Variants in INTS6L observed in about 807,000 individuals in gnomAD.
The protein encoded by INTS6L is integrator complex subunit 6-like.
A neutral mutation model predicts 64.7 loss-of-function variants in INTS6L; 18 were observed. That is an observed-to-expected ratio of 0.28 (90% confidence interval 0.19 to 0.41). The LOEUF (loss-of-function observed/expected upper bound fraction) is 0.41. Ranked by LOEUF, INTS6L falls within the 10% of genes least tolerant of loss-of-function variation. INTS6L has a pLI of 1.00. For missense variants in INTS6L, 533 were observed against 661.0 expected (o/e 0.81, Z 2.12); for synonymous variants, 227 against 235.9 (o/e 0.96, Z 0.34).
chrX:135,540,552 C>T (rs1556512038), intron 2 of INTS6L, among the ~76,000 whole-genome samples: 1 of 111,146 alleles, frequency 9.0e-6, no homozygotes, highest in Non-Finnish European at 1.9e-5. Context: ...ATTCTTTAGG[C>T]CTCTTGTAAT....
intron 9 of INTS6L, among the ~76,000 whole-genome samples, chrX:135,567,488 T>C (rs1157234460): frequency 1.8e-5 from 2 of 112,225 alleles, no homozygotes; most frequent in Non-Finnish European, 3.8e-5. Context: ...ATTTTCTTTC[T>C]TCTCCTGACT....
chrX:135,572,623 G>T (rs1207215931), intron 11 of INTS6L, 192 bp from the exon 12 acceptor site: 3 of 329,807 alleles, frequency 9.1e-6, no homozygotes, highest in South Asian at 1.2e-4. Context: ...AATATTATTT[G>T]TCTTTCCTGC....
intron 9 of INTS6L, among the ~76,000 whole-genome samples, chrX:135,559,002 C>T (rs1017799627): frequency 1.5e-4 from 16 of 110,161 alleles, no homozygotes; most frequent in African/African-American, 5.3e-4. Flanking sequence ...AGGCTGGTCT[C>T]GAACTCCTGA....
chrX:135,550,338 A>T (rs2086466771), intron 7 of INTS6L, among the ~76,000 whole-genome samples: 2 of 111,853 alleles, frequency 1.8e-5, no homozygotes, highest in African/African-American at 6.5e-5. Context: ...TATTTAAAAA[A>T]TAATCTCTAA....
At chrX:135,538,224 C>T (rs1261038903) in intron 2 of INTS6L, among the ~76,000 whole-genome samples, 1 of 112,647 alleles carries the variant, frequency 8.9e-6, no homozygotes, top group Non-Finnish European at 1.9e-5. Context: ...CATCCTCAAA[C>T]TCTGCCACTG....
At position 135,531,950 on chromosome X, in the gene INTS6L, G is replaced by A. The variant is rs6635059; in HGVS notation, c.189+10632G>A. 1.3e-4 allele frequency among the ~76,000 whole-genome samples: 15 copies of A among 111,589 alleles called. No individual in the cohort carries two copies. In the East Asian group the frequency reaches 3.9e-3, roughly 29 times the overall value. On this transcript the variant is annotated intron_variant, in intron 2 of 17. Coordinates refer to ENST00000639893, the MANE Select transcript of INTS6L (RefSeq NM_001351601.3). Reference sequence around the variant, plus strand: ...AGTAAACTGAAATCATTCCATTAAGGGTGTGACTTGAGGGTGAGGACATGA... The same window carrying A: ...AGTAAACTGAAATCATTCCATTAAGAGTGTGACTTGAGGGTGAGGACATGA...
rs371250011 is a variant in INTS6L, at chrX:135,546,410, A to G, written c.370A>G (p.Ile124Val). The G allele has an allele frequency of 2.0e-5, 24 of 1,171,822 alleles. No individual in the cohort carries two copies. The African/African-American group carries it at 4.0e-4, about 20-fold the overall frequency. Residue 124 changes from isoleucine (I) to valine (V), a missense_variant, in exon 4 of 18, where the codon ATT (isoleucine) becomes GTT (valine). Coordinates refer to ENST00000639893, the MANE Select transcript of INTS6L (RefSeq NM_001351601.3). ...AAATCCATTTTTTTTAGAACCATCT[A>G]TTTTAATTACCATCACAGATGGAAA... Reference protein sequence around the residue: ...GRNPFFLEPSILITITDGNKL... With the variant: ...GRNPFFLEPSVLITITDGNKL...
At chrX:135,530,597 A>C (rs1476242097) in intron 2 of INTS6L, among the ~76,000 whole-genome samples, 1 of 112,426 alleles carries the variant, frequency 8.9e-6, no homozygotes, top group Non-Finnish European at 1.9e-5. Context: ...CAGCCTCTGG[A>C]GGAGGTAGAC....
rs1031801408 is a variant in INTS6L, at chrX:135,522,412, G to A, written c.189+1094G>A. 4.5e-5 allele frequency among the ~76,000 whole-genome samples: 5 copies of A among 112,186 alleles called. No homozygotes were observed. The East Asian group carries it at 1.1e-3, about 25-fold the overall frequency. On this transcript the variant is annotated intron_variant, in intron 2 of 17. Coordinates refer to ENST00000639893, the MANE Select transcript of INTS6L (RefSeq NM_001351601.3). ...GGACGGTCTCTGTGGGGTAATTTAT[G>A]TTCCTATGGTGAGGAGATAAAGAAC...
intron 15 of INTS6L, 60 bp from the exon 16 acceptor site, chrX:135,579,728 A>G: frequency 1.8e-6 from 2 of 1,119,480 alleles, no homozygotes. Flanking sequence ...AGAGGGATAT[A>G]CCTGTGGGGT....
chrX:135,579,594 T>C (rs1036662538), intron 15 of INTS6L, among the ~76,000 whole-genome samples, 194 bp from the exon 16 acceptor site: 1 of 112,243 alleles, frequency 8.9e-6, no homozygotes, highest in Admixed American at 9.4e-5. Flanking sequence ...TATGTATTCA[T>C]AGGGCCAGAA....
At chrX:135,554,977 A>T (rs113124024) in intron 8 of INTS6L, among the ~76,000 whole-genome samples, 12,212 of 89,725 alleles carry the variant, frequency 0.14, 867 homozygotes, top group Non-Finnish European at 0.19. Flanking sequence ...TGCAACCTCC[A>T]CCTCCTGGGT....
At chrX:135,577,838 C>T (rs2087270786) in intron 15 of INTS6L, among the ~76,000 whole-genome samples, 1 of 111,829 alleles carries the variant, frequency 8.9e-6, no homozygotes, top group Non-Finnish European at 1.9e-5. Flanking sequence ...ACTGGATCTG[C>T]ACTTGCTCTT....
chrX:135,555,927 A>T (rs1329623330), intron 8 of INTS6L, among the ~76,000 whole-genome samples: 2 of 112,034 alleles, frequency 1.8e-5, no homozygotes, highest in Non-Finnish European at 3.8e-5. Flanking sequence ...GGCCTCAAGC[A>T]ATCCTTCCAC....
intron 9 of INTS6L, among the ~76,000 whole-genome samples, chrX:135,564,188 C>A (rs1211423845): frequency 2.7e-5 from 3 of 111,291 alleles, no homozygotes; most frequent in Non-Finnish European, 1.9e-5. Flanking sequence ...CTGTCCCCTG[C>A]ATTCTGTTGT....
intron 9 of INTS6L, among the ~76,000 whole-genome samples, chrX:135,562,145 C>T (rs981843700): frequency 9.0e-6 from 1 of 111,026 alleles, no homozygotes; most frequent in Admixed American, 9.6e-5. Context: ...GTACTTAGTG[C>T]CTTAAATTTC....
At chrX:135,546,551 A>G (rs2086361173) in intron 4 of INTS6L, 82 bp downstream of exon 4, 1 of 994,852 alleles carries the variant, frequency 1.0e-6, no homozygotes, top group South Asian at 2.6e-5. Flanking sequence ...TCCAGTTAAC[A>G]GTAAGTTTGG....
intron 10 of INTS6L, chrX:135,569,708 T>G (rs1467946533): frequency 2.0e-5 from 3 of 153,538 alleles, no homozygotes; most frequent in Non-Finnish European, 3.7e-5. Context: ...AACCTTAATT[T>G]CATTGGAATT....
chrX:135,542,355 A>T (rs1188894223), intron 2 of INTS6L, among the ~76,000 whole-genome samples: 1 of 110,352 alleles, frequency 9.1e-6, no homozygotes, highest in African/African-American at 3.3e-5. Context: ...AAAATTAGCC[A>T]GGCATGGTGG....
Sources: gnomAD v4.1 joint callset for allele counts (sites outside exome capture counted in the v4.1 genomes callset) on GRCh38, gnomAD v4.1.1 for gene constraint, MANE v1.5 for transcripts, NCBI Gene and HGNC (gene_info 2026-07-23, HGNC 2026-07-21) for gene names.